TRNAU1AP: variants seen among roughly 807,000 people sequenced by gnomAD.
The protein encoded by TRNAU1AP is tRNA selenocysteine 1 associated protein 1.
Under a neutral mutation model 43.3 loss-of-function variants are expected in TRNAU1AP, and 33 were observed. The observed-to-expected ratio is 0.76, with a 90% CI of 0.58 to 1.02. TRNAU1AP has a LOEUF of 1.02. TRNAU1AP is among the 50% of genes least tolerant of loss of function. TRNAU1AP has a pLI of 0.00. For synonymous variants in TRNAU1AP, 143 were observed against 129.1 expected, an observed-to-expected ratio of 1.11 and a Z score of -0.73; for missense variants, 290 against 362.7, an observed-to-expected ratio of 0.80 and a Z score of 1.63.
Position 28,561,401 on chromosome 1 carries a change from A to C in TRNAU1AP, c.278+3A>C, listed in dbSNP as rs773169996. The C allele has an allele frequency of 1.2e-4, 198 of 1,613,988 alleles. No individual in the cohort carries two copies. The highest frequency in any genetic ancestry group is 1.7e-4 in the Non-Finnish European group (197 of 1,180,000). ...TACGGGAAACAACCAGATAACAGGT[A>C]GGTACAAAGTCATGTCTAGACAGAC... On this transcript the variant is annotated splice_donor_region_variant and intron_variant, in intron 4 of 8. Transcript: ENST00000373830.
chr1:28,559,394 C>A (rs1021993022), intron 2 of TRNAU1AP, among the ~76,000 whole-genome samples: 2 of 151,986 alleles, frequency 1.3e-5, no homozygotes, highest in Non-Finnish European at 2.9e-5. Context: ...TTTGAGAGGC[C>A]GAGGCGGGCA....
At chr1:28,555,470 G>A (rs2124184682) in intron 2 of TRNAU1AP, among the ~76,000 whole-genome samples, 1 of 151,058 alleles carries the variant, frequency 6.6e-6, no homozygotes, top group African/African-American at 2.4e-5. Context: ...CAATTTGTCA[G>A]TGTTTATCAA....
chr1:28,564,654 G>A (rs1366466943), intron 4 of TRNAU1AP, 49 bp from the exon 5 acceptor site: 1 of 1,585,066 alleles, frequency 6.3e-7, no homozygotes. Flanking sequence ...GCTTTTCAGA[G>A]CAGAGGTTTT....
intron 8 of TRNAU1AP, among the ~76,000 whole-genome samples, chr1:28,575,578 T>G (rs1218800600): frequency 2.0e-5 from 3 of 151,086 alleles, no homozygotes; most frequent in Non-Finnish European, 4.4e-5. Context: ...TTCTTCTGCC[T>G]CAGCCTCCCG....
At chr1:28,560,951 G>A (rs1342063713) in intron 3 of TRNAU1AP, 1 of 982,268 alleles carries the variant, frequency 1.0e-6, no homozygotes, top group Non-Finnish European at 1.4e-6. Context: ...GATTCAGACT[G>A]AAGATTGGTT....
At chr1:28,571,741 C>T (rs1427109936) in intron 7 of TRNAU1AP, 126 bp from the exon 8 acceptor site, 2 of 717,144 alleles carry the variant, frequency 2.8e-6, no homozygotes, top group Non-Finnish European at 4.8e-6. Flanking sequence ...CGAGATCACG[C>T]CACTACACTC....
chr1:28,553,397 GA>G (rs1665178227), intron 1 of TRNAU1AP: 1 of 625,034 alleles, frequency 1.6e-6, no homozygotes, highest in African/African-American at 1.8e-5. Context: ...GCAATCCAAG[GA>G]CTGAGGCGCG....
chr1:28,566,069 C>T lies in TRNAU1AP; in HGVS notation c.411-1225C>T, dbSNP rs536538526. 5.9e-5 allele frequency among the ~76,000 whole-genome samples: 9 copies of T among 152,288 alleles called. No homozygotes were observed. The East Asian group carries it at 7.7e-4, about 13-fold the overall frequency. ...CGGTGGCTCACGCCTGTAATCCCAG[C>T]GCTTCGGGAGACAGGCGGGTGGATC... On this transcript the variant is annotated intron_variant, in intron 5 of 8. Transcript: ENST00000373830.
intron 2 of TRNAU1AP, among the ~76,000 whole-genome samples, chr1:28,556,669 G>A (rs1223510585): frequency 2.6e-5 from 4 of 151,554 alleles, no homozygotes; most frequent in Non-Finnish European, 5.9e-5. Flanking sequence ...CTGCCACCAC[G>A]CCCAGCTCAT....
At chr1:28,558,757 G>T (rs9426406) in intron 2 of TRNAU1AP, among the ~76,000 whole-genome samples, 1 of 151,498 alleles carries the variant, frequency 6.6e-6, no homozygotes, top group Non-Finnish European at 1.5e-5. Context: ...AGTAGAGATG[G>T]GGTTTCACTG....
At chr1:28,574,170 C>G (rs1665724603) in intron 8 of TRNAU1AP, among the ~76,000 whole-genome samples, 1 of 151,346 alleles carries the variant, frequency 6.6e-6, no homozygotes, top group South Asian at 2.1e-4. Context: ...TCATTGCAAC[C>G]TCTGCCTCCC....
At position 28,577,573 on chromosome 1, in the gene TRNAU1AP, T is replaced by C. The variant is rs757444854; in HGVS notation, c.801T>C (p.Ala267=). ...FMEQSEELYD[A]LMDCHWQPLD... Reference sequence around the variant, plus strand: ...AACAGAGTGAGGAGCTGTATGACGCTCTGATGGACTGTCACTGGCAGCCCC... The same window carrying C: ...AACAGAGTGAGGAGCTGTATGACGCCCTGATGGACTGTCACTGGCAGCCCC... Residue 267 remains alanine (A), a synonymous_variant, in exon 9 of 9, where the codon GCT becomes GCC. Coordinates refer to ENST00000373830, the MANE Select transcript of TRNAU1AP (RefSeq NM_017846.5). The C allele has an allele frequency of 6.2e-7, 1 of 1,614,104 alleles. No individual in the cohort carries two copies. Among genetic ancestry groups the C allele is most frequent in the Admixed American group, 1.7e-5 (1 of 60,006 alleles).
Position 28,560,670 on chromosome 1 carries a change from T to C in TRNAU1AP, c.163T>C (p.Leu55=). The change falls in exon 3 of 9, where the codon TTG becomes CTG. Residue 55 remains leucine (L), a synonymous_variant. Transcript: ENST00000373830. ...CTACTGCTTTGTAGAATTTGCAGAT[T>C]TGGCCACAGCTGAGAAGTGTTTGCA... ...AGYCFVEFAD[L]ATAEKCLHKI... 1 of 1,614,138 alleles carries C rather than the reference T, an allele frequency of 6.2e-7. No homozygotes were observed. Among genetic ancestry groups the C allele is most frequent in the East Asian group, 2.2e-5 (1 of 44,890 alleles).
chr1:28,565,102 A>G (rs745500982), intron 5 of TRNAU1AP: 1 of 435,002 alleles, frequency 2.3e-6, no homozygotes, highest in African/African-American at 2.1e-5. Context: ...ATTAAAGGAT[A>G]TAATATAAGT....
intron 6 of TRNAU1AP, among the ~76,000 whole-genome samples, chr1:28,568,639 A>G (rs936293264): frequency 3.3e-5 from 5 of 152,136 alleles, no homozygotes; most frequent in African/African-American, 4.8e-5. Flanking sequence ...CCCAGAGGAC[A>G]TTGACAACAT....
intron 5 of TRNAU1AP, chr1:28,565,212 T>C (rs1665510337): frequency 4.6e-6 from 1 of 218,230 alleles, no homozygotes; most frequent in Non-Finnish European, 9.1e-6. Context: ...AGGCTGGGCG[T>C]GGTGGCTCAT....
intron 8 of TRNAU1AP, among the ~76,000 whole-genome samples, chr1:28,575,634 C>G (rs539745987): frequency 2.7e-5 from 4 of 145,530 alleles, no homozygotes; most frequent in African/African-American, 1.0e-4. Flanking sequence ...AGCTAATTTT[C>G]TTTTTTTCTT....
chr1:28,564,800 G>A lies in TRNAU1AP; in HGVS notation c.376G>A (p.Gly126Ser). The part of the protein sequence containing the change: ...FVKVYPSCRG[G>S]KVVLDQTGVS... ...CAAAGTCTACCCCTCCTGTCGGGGA[G>A]GCAAGGTGGTTTTGGACCAGACAGG... Residue 126 changes from glycine (G) to serine (S), a missense_variant, in exon 5 of 9, where the codon GGC becomes AGC. Physicochemically the swap from Gly to Ser is moderately conservative, Grantham distance 56 (BLOSUM62 0). This residue lies in a region of TRNAU1AP where 174 missense variants were observed against 262.1 expected (regional missense o/e 0.66). Transcript: ENST00000373830. 6.2e-7 allele frequency: 1 copy of A among 1,614,122 alleles called. No individual in the cohort carries two copies. Among genetic ancestry groups the A allele is most frequent in the Non-Finnish European group, 8.5e-7 (1 of 1,180,020 alleles).
Position 28,553,672 on chromosome 1 carries a change from C to T in TRNAU1AP, c.60C>T (p.Ser20=). 1.2e-6 allele frequency: 2 copies of T among 1,614,160 alleles called. No homozygotes were observed. Among genetic ancestry groups the T allele is most frequent in the South Asian group, 2.2e-5 (2 of 91,074 alleles). ...CCTACATGGATGAGAACTTCATCTC[C>T]AGAGCCTTTGCCACCATGGGGGAGA... is the stretch of plus-strand genomic sequence containing the variant. ...LEPYMDENFI[S]RAFATMGETV... Residue 20 remains serine, a synonymous_variant, in exon 2 of 9, where the codon TCC becomes TCT. Transcript: ENST00000373830.
Sources: allele counts gnomAD v4.1 joint callset (sites outside exome capture counted in the v4.1 genomes callset), GRCh38; gene constraint gnomAD v4.1.1; regional missense constraint gnomAD v4.1.1; transcripts MANE v1.5; gene names NCBI Gene and HGNC (gene_info 2026-07-23, HGNC 2026-07-21).